MYO18B: variants seen among roughly 807,000 people sequenced by gnomAD.
The protein encoded by MYO18B is unconventional myosin-XVIIIb.
A neutral mutation model predicts 273.0 loss-of-function variants in MYO18B; 204 were observed. The observed-to-expected ratio is 0.75, with a 90% confidence interval of 0.67 to 0.84. The LOEUF (loss-of-function observed/expected upper bound fraction) is 0.84. Among genes scored for constraint, MYO18B ranks in the 40% least tolerant of loss-of-function variants. The probability of loss-of-function intolerance (pLI) is 0.00; values close to 1 mark genes in which losing one functional copy is unlikely to be tolerated. For missense variants in MYO18B, 3,212 were observed against 3,287.6 expected (o/e 0.98, Z 0.56); for synonymous variants, 1,330 against 1,305.7 (o/e 1.02, Z -0.40).
At chr22:26,061,961 A>G in the MYO18B span, among the ~76,000 whole-genome samples, 1 of 152,236 alleles carries the variant, frequency 6.6e-6, no homozygotes, top group Admixed American at 6.5e-5. Context: ...GGTCTCTTCA[A>G]TACAGGACTT....
intron 12 of MYO18B, among the ~76,000 whole-genome samples, chr22:25,820,523 AAG>A (rs1441889637): frequency 3.4e-5 from 5 of 149,100 alleles, no homozygotes; most frequent in Middle Eastern, 3.2e-3. Flanking sequence ...TAAGAGATGA[AAG>A]AGAGAACTTT....
chr22:26,032,991 G>A (rs1936701266), downstream of MYO18B, among the ~76,000 whole-genome samples: 1 of 151,842 alleles, frequency 6.6e-6, no homozygotes, highest in Non-Finnish European at 1.5e-5. Context: ...TTTTCATACA[G>A]AATGAATATT....
Position 25,785,337 on chromosome 22 carries a change from T to C in MYO18B, c.2313-91T>C. ...GACAGCCCCTGGGGTGTCCGGGCAG[T>C]TGTGTGGAGCCTCACACTGTGACGA... On this transcript the variant is annotated intron_variant, in intron 10 of 43. Transcript: ENST00000335473. The C allele has an allele frequency of 5.4e-6, 7 of 1,288,782 alleles. No homozygotes were observed. The South Asian group carries it at 9.1e-5, about 17-fold the overall frequency. 79.8% of individuals were successfully genotyped at this position (1,288,782 alleles called of 1,614,324 possible). A position where few individuals can be genotyped will look rare whatever the true frequency, so the allele number is the denominator to read the frequency against.
chr22:25,753,039 C>T (rs2085985021), intron 1 of MYO18B, among the ~76,000 whole-genome samples: 1 of 152,202 alleles, frequency 6.6e-6, no homozygotes, highest in Admixed American at 6.5e-5. Context: ...CGCCTCCCCG[C>T]GGGGCAGGGC....
chr22:25,999,426 G>A (rs1048087216), intron 40 of MYO18B, among the ~76,000 whole-genome samples: 9 of 152,128 alleles, frequency 5.9e-5, no homozygotes, highest in African/African-American at 9.7e-5. Context: ...TGACCCTAAA[G>A]AAGTACAGCT....
At chr22:25,757,335 T>C (rs958116481) in intron 1 of MYO18B, among the ~76,000 whole-genome samples, 1 of 152,182 alleles carries the variant, frequency 6.6e-6, no homozygotes, top group African/African-American at 2.4e-5. Flanking sequence ...GTGCAGTGGC[T>C]CACGCCTGTT....
intron 20 of MYO18B, 105 bp from the exon 21 acceptor site, chr22:25,851,365 G>C (rs1255990967): frequency 2.7e-6 from 2 of 729,030 alleles, no homozygotes; most frequent in East Asian, 5.4e-5. Context: ...TAGTAGCCAG[G>C]CTAGGAAGCA....
chr22:25,793,614 G>A (rs951538290), intron 11 of MYO18B, among the ~76,000 whole-genome samples: 4 of 152,118 alleles, frequency 2.6e-5, no homozygotes, highest in Admixed American at 6.5e-5. Context: ...CACATGGTTG[G>A]GAGTGCAGAG....
intron 12 of MYO18B, among the ~76,000 whole-genome samples, chr22:25,812,982 T>C (rs540261536): frequency 7.8e-4 from 119 of 152,096 alleles, no homozygotes; most frequent in African/African-American, 2.7e-3. Context: ...CTTCCTTCTC[T>C]CCTTTCCTCC....
At chr22:25,963,178 T>TCTCTCTCACACACACACA (rs774304270) in intron 39 of MYO18B, among the ~76,000 whole-genome samples, 11 of 144,074 alleles carry the variant, frequency 7.6e-5, no homozygotes, top group South Asian at 2.3e-4. Flanking sequence ...TCTCTCTCTC[T>TCTCTCTCACACACACACA]CACACACACA....
intron 29 of MYO18B, chr22:25,900,528 T>C (rs1260512962): frequency 6.6e-6 from 1 of 152,362 alleles, no homozygotes; most frequent in Admixed American, 6.5e-5. Flanking sequence ...GGTTGGATTG[T>C]TTGTGGCATG....
At chr22:25,903,067 A>G (rs1415036050) in intron 30 of MYO18B, 2 of 254,976 alleles carry the variant, frequency 7.8e-6, no homozygotes, top group African/African-American at 4.5e-5. Context: ...AGCAGGCTCC[A>G]ATGCAGAGAG....
In MYO18B at chr22:25,768,416, C is replaced by T. The variant is rs369925645; in HGVS notation, c.500C>T (p.Pro167Leu). The change falls in exon 4 of 44, where the codon CCA (proline) becomes CTA (leucine). Residue 167 changes from proline to leucine, a missense_variant. Coordinates refer to ENST00000335473, the MANE Select transcript of MYO18B (RefSeq NM_032608.7). The stretch of plus-strand genomic sequence containing the variant: ...AAGCTGGACCCGGACTCAGCCAAGC[C>T]AGAGAAGACTCATCCCCATGACGCC... Reference protein sequence around the residue: ...VAKLDPDSAKPEKTHPHDAPP... With the variant: ...VAKLDPDSAKLEKTHPHDAPP... 3.7e-6 allele frequency: 6 copies of T among 1,613,660 alleles called. No individual in the cohort carries two copies. In the South Asian group the frequency reaches 6.6e-5, roughly 18 times the overall value.
chr22:26,021,790 A>C (rs1157676310), intron 42 of MYO18B, among the ~76,000 whole-genome samples: 1 of 152,200 alleles, frequency 6.6e-6, no homozygotes, highest in African/African-American at 2.4e-5. Context: ...TGGAGGTCAT[A>C]ATCCCTATCT....
intron 1 of MYO18B, among the ~76,000 whole-genome samples, chr22:25,752,939 C>T (rs1449245300): frequency 6.6e-6 from 1 of 152,218 alleles, no homozygotes; most frequent in African/African-American, 2.4e-5. Context: ...AGGCGCTTAG[C>T]ACCCAGGCCA....
chr22:25,922,776 G>A (rs1326418260), intron 34 of MYO18B, among the ~76,000 whole-genome samples: 1 of 152,312 alleles, frequency 6.6e-6, no homozygotes, highest in South Asian at 2.1e-4. Context: ...ATAGCGCCAA[G>A]GGTTGGAAAC....
rs139969980 is a variant in MYO18B at position 25,939,258 on chromosome 22, A to G, written c.5518-6879A>G. Among the ~76,000 whole-genome samples the G allele has an allele frequency of 8.8e-4, 134 of 152,312 alleles. 1 individual carries two copies. The East Asian group carries it at 0.024, about 27-fold the overall frequency. On this transcript the variant is annotated intron_variant, in intron 34 of 43. Coordinates refer to ENST00000335473, the MANE Select transcript of MYO18B (RefSeq NM_032608.7). The stretch of plus-strand genomic sequence containing the variant: ...AGAAAAAGGGAAGTTATTGGCCAAA[A>G]TATCTGAAAAGTTCTGAGGCTAGGA...
chr22:25,850,235 C>T (rs2090384413), intron 20 of MYO18B, among the ~76,000 whole-genome samples: 1 of 152,142 alleles, frequency 6.6e-6, no homozygotes, highest in Non-Finnish European at 1.5e-5. Flanking sequence ...TTTTCTGATC[C>T]AGTCACTTGG....
chr22:25,793,941 C>T (rs1192147818), intron 11 of MYO18B, among the ~76,000 whole-genome samples: 9 of 149,600 alleles, frequency 6.0e-5, no homozygotes, highest in Non-Finnish European at 1.3e-4. Context: ...TTGTCTCTCT[C>T]TTTTTTTTTT....
Sources: allele counts gnomAD v4.1 joint callset (sites outside exome capture counted in the v4.1 genomes callset), GRCh38; gene constraint gnomAD v4.1.1; transcripts MANE v1.5; gene names NCBI Gene and HGNC (gene_info 2026-07-23, HGNC 2026-07-21).